ROBO2: variants seen among roughly 807,000 people sequenced by gnomAD.
The protein encoded by ROBO2 is roundabout guidance receptor 2.
A neutral mutation model predicts 160.8 loss-of-function variants in ROBO2; 53 were observed. The ratio of observed to expected loss-of-function variants is 0.33; its 90% CI spans 0.26 to 0.41. The LOEUF (loss-of-function observed/expected upper bound fraction) is 0.41, where lower values mean the gene tolerates loss of function less well. Ranked by LOEUF, ROBO2 falls within the 10% of genes least tolerant of loss-of-function variation. ROBO2 has a pLI of 1.00. For synonymous variants in ROBO2, 664 were observed against 611.7 expected (o/e 1.09, Z -1.26); for missense variants, 1,577 against 1,722.4 (o/e 0.92, Z 1.49).
chr3:77,539,664 T>A (rs1362845484), intron 6 of ROBO2, among the ~76,000 whole-genome samples: 1 of 152,208 alleles, frequency 6.6e-6, no homozygotes, highest in Non-Finnish European at 1.5e-5. Context: ...TAGTGTTCAC[T>A]GTTTTGGGCT....
At chr3:76,699,394 T>C (rs2092999835) in intron 2 of ROBO2, among the ~76,000 whole-genome samples, 1 of 151,538 alleles carries the variant, frequency 6.6e-6, no homozygotes, top group South Asian at 2.1e-4. Flanking sequence ...ATCAGACTTC[T>C]CCAGGCAGGC....
chr3:76,978,814 C>G (rs994960925), intron 2 of ROBO2, among the ~76,000 whole-genome samples: 3 of 151,738 alleles, frequency 2.0e-5, no homozygotes, highest in Non-Finnish European at 4.4e-5. Flanking sequence ...ATTTCCCAAG[C>G]AAAGACAGAG....
intron 2 of ROBO2, among the ~76,000 whole-genome samples, chr3:75,966,409 A>G (rs1357161075): frequency 1.3e-5 from 2 of 151,758 alleles, no homozygotes. Flanking sequence ...TTTTTAGATC[A>G]ACAGTTTTCT....
At chr3:77,314,311 T>G (rs975485667) in intron 2 of ROBO2, among the ~76,000 whole-genome samples, 2 of 152,214 alleles carry the variant, frequency 1.3e-5, no homozygotes, top group African/African-American at 4.8e-5. Flanking sequence ...CCAATCTTAC[T>G]TAGTCTACAT....
intron 2 of ROBO2, among the ~76,000 whole-genome samples, chr3:76,726,574 C>G (rs922731802): frequency 6.6e-6 from 1 of 152,138 alleles, no homozygotes; most frequent in Admixed American, 6.6e-5. Context: ...TCTCCACCTC[C>G]ACCAACTCTG....
chr3:76,073,810 G>T (rs1050281065), intron 2 of ROBO2, among the ~76,000 whole-genome samples: 1 of 151,978 alleles, frequency 6.6e-6, no homozygotes, highest in Non-Finnish European at 1.5e-5. Flanking sequence ...AGTTATACAG[G>T]TTCAACTAGA....
chr3:77,554,206 C>T (rs1212701108), intron 8 of ROBO2, among the ~76,000 whole-genome samples: 1 of 151,926 alleles, frequency 6.6e-6, no homozygotes, highest in Admixed American at 6.6e-5. Flanking sequence ...TATCTCTTTA[C>T]AGCATGGTTT....
intron 5 of ROBO2, among the ~76,000 whole-genome samples, chr3:77,494,386 G>T (rs2086524752): frequency 6.6e-6 from 1 of 152,086 alleles, no homozygotes; most frequent in Admixed American, 6.5e-5. Flanking sequence ...AGACCAGCCT[G>T]ACAAACAGGG....
At chr3:76,970,645 G>T (rs1008014396) in intron 2 of ROBO2, among the ~76,000 whole-genome samples, 1 of 152,078 alleles carries the variant, frequency 6.6e-6, no homozygotes, top group African/African-American at 2.4e-5. Flanking sequence ...ACTGATGCCT[G>T]GTTCAGCCAA....
At chr3:76,549,110 G>T (rs1369090003) in intron 2 of ROBO2, among the ~76,000 whole-genome samples, 1 of 152,100 alleles carries the variant, frequency 6.6e-6, no homozygotes, top group Non-Finnish European at 1.5e-5. Context: ...TGGGGTTGGG[G>T]TGCGAGAAGA....
At chr3:76,221,628 T>C (rs978895846) in intron 2 of ROBO2, among the ~76,000 whole-genome samples, 1 of 152,212 alleles carries the variant, frequency 6.6e-6, no homozygotes, top group African/African-American at 2.4e-5. Flanking sequence ...TGTAAGGTAT[T>C]GCGATCTAGC....
intron 2 of ROBO2, among the ~76,000 whole-genome samples, chr3:76,078,712 A>T (rs951658839): frequency 6.7e-6 from 1 of 148,514 alleles, no homozygotes; most frequent in Non-Finnish European, 1.5e-5. Context: ...CAATATCTTA[A>T]CTAATGTAAC....
At chr3:76,916,646 ATT>A (rs2076332488) in intron 2 of ROBO2, among the ~76,000 whole-genome samples, 1 of 151,606 alleles carries the variant, frequency 6.6e-6, no homozygotes, top group African/African-American at 2.4e-5. Context: ...GCCTGATTTT[ATT>A]TTAAAAGACA....
intron 2 of ROBO2, among the ~76,000 whole-genome samples, chr3:75,996,354 G>C (rs183883685): frequency 6.6e-6 from 1 of 152,124 alleles, no homozygotes; most frequent in African/African-American, 2.4e-5. Flanking sequence ...AGCGTCTGGC[G>C]TTTCCCCTCC....
intron 2 of ROBO2, among the ~76,000 whole-genome samples, chr3:76,525,887 A>G (rs2081922163): frequency 6.6e-6 from 1 of 151,922 alleles, no homozygotes; most frequent in Non-Finnish European, 1.5e-5. Flanking sequence ...GCAGAAAAAA[A>G]TATATATAGT....
At chr3:77,476,293 G>A (rs1276437739) in intron 2 of ROBO2, among the ~76,000 whole-genome samples, 2 of 152,046 alleles carry the variant, frequency 1.3e-5, no homozygotes, top group Non-Finnish European at 2.9e-5. Flanking sequence ...CGCGGCACAT[G>A]ATTTACATAA....
chr3:75,911,628 A>G (rs1288469856), intron 1 of ROBO2, among the ~76,000 whole-genome samples: 942 of 99,038 alleles, frequency 9.5e-3, no homozygotes, highest in South Asian at 0.01. Context: ...CGCGATCTCG[A>G]CTCACTGCAA....
intron 2 of ROBO2, among the ~76,000 whole-genome samples, chr3:76,405,676 G>T (rs1365387041): frequency 6.6e-6 from 1 of 151,586 alleles, no homozygotes; most frequent in African/African-American, 2.4e-5. Context: ...AGGTTTCTTG[G>T]CAAGAGTCCA....
chr3:77,449,263 TG>T (rs2080884803), intron 2 of ROBO2, among the ~76,000 whole-genome samples: 1 of 152,052 alleles, frequency 6.6e-6, no homozygotes, highest in Non-Finnish European at 1.5e-5. Flanking sequence ...CTAAAGCAAA[TG>T]GTCATTCGGG....
Sources: gnomAD v4.1 joint callset for allele counts (sites outside exome capture counted in the v4.1 genomes callset) on GRCh38, gnomAD v4.1.1 for gene constraint, MANE v1.5 for transcripts, NCBI Gene and HGNC (gene_info 2026-07-23, HGNC 2026-07-21) for gene names.